The following RSU1 variants were observed in gnomAD, a reference collection of about 807,000 sequenced individuals.
The protein encoded by RSU1 is Ras suppressor protein 1, also known as rsu-1.
Under a neutral mutation model 31.1 loss-of-function variants are expected in RSU1, and 26 were observed. That is an observed-to-expected ratio of 0.84 (90% confidence interval 0.61 to 1.16). The LOEUF is 1.16. Among genes scored for constraint, RSU1 ranks in the 50% most tolerant of loss-of-function variants. The probability of loss-of-function intolerance (pLI) is 0.00; values close to 1 mark genes in which losing one functional copy is unlikely to be tolerated. For synonymous variants in RSU1, 164 were observed against 136.3 expected (o/e 1.20, Z -1.41); for missense variants, 320 against 339.1 (o/e 0.94, Z 0.44).
intron 2 of RSU1, among the ~76,000 whole-genome samples, chr10:16,806,827 C>T (rs1353253137): frequency 6.6e-6 from 1 of 152,174 alleles, no homozygotes; most frequent in Non-Finnish European, 1.5e-5. Context: ...GATCTTAGCC[C>T]ACTGGAGCCT....
intron 2 of RSU1, among the ~76,000 whole-genome samples, chr10:16,813,114 A>C (rs1442118616): frequency 6.6e-6 from 1 of 151,958 alleles, no homozygotes; most frequent in Non-Finnish European, 1.5e-5. Context: ...TGGGACTTGC[A>C]CATCACCCTC....
intron 7 of RSU1, among the ~76,000 whole-genome samples, chr10:16,718,094 ATT>A (rs1034407411): frequency 1.4e-5 from 1 of 70,830 alleles, no homozygotes; most frequent in Non-Finnish European, 2.6e-5. Context: ...AGCTCAATTT[ATT>A]TAAAAAAAAA....
chr10:16,732,859 T>G (rs909525449), intron 7 of RSU1, among the ~76,000 whole-genome samples: 5 of 152,104 alleles, frequency 3.3e-5, no homozygotes, highest in Admixed American at 1.3e-4. Context: ...TAATAAACAT[T>G]TCATAGGTTC....
intron 4 of RSU1, among the ~76,000 whole-genome samples, chr10:16,758,689 C>G (rs75513509): frequency 2.0e-5 from 3 of 152,260 alleles, no homozygotes; most frequent in African/African-American, 7.2e-5. Flanking sequence ...ATGGCTCACA[C>G]GTGGCTTCTC....
intron 8 of RSU1, among the ~76,000 whole-genome samples, chr10:16,656,678 G>A (rs1009037948): frequency 8.5e-5 from 13 of 152,182 alleles, no homozygotes; most frequent in East Asian, 1.9e-4. Flanking sequence ...GGAATTAACA[G>A]AGCTAAACTA....
chr10:16,741,876 T>C (rs1337786725), intron 7 of RSU1, among the ~76,000 whole-genome samples: 1 of 152,224 alleles, frequency 6.6e-6, no homozygotes, highest in Non-Finnish European at 1.5e-5. Flanking sequence ...GCAGCCATTT[T>C]GTAATGTTTA....
chr10:16,652,493 T>C (rs796651363), intron 8 of RSU1, among the ~76,000 whole-genome samples: 2 of 150,018 alleles, frequency 1.3e-5, no homozygotes, highest in South Asian at 2.1e-4. Context: ...GAATGTTCCA[T>C]ACCTAAACTG....
At chr10:16,712,541 T>C (rs997651851) in intron 7 of RSU1, among the ~76,000 whole-genome samples, 7 of 152,206 alleles carry the variant, frequency 4.6e-5, no homozygotes, top group African/African-American at 1.7e-4. Flanking sequence ...AAGAGTCTTG[T>C]AGTTACAATA....
intron 8 of RSU1, 149 bp downstream of exon 8, chr10:16,694,874 T>C (rs112010757): frequency 8.0e-5 from 58 of 723,418 alleles, no homozygotes; most frequent in African/African-American, 7.6e-4. Flanking sequence ...ACACCACACC[T>C]GGCCGACATG....
intron 2 of RSU1, among the ~76,000 whole-genome samples, chr10:16,789,465 C>T (rs997881974): frequency 1.3e-5 from 2 of 152,156 alleles, no homozygotes; most frequent in Admixed American, 6.5e-5. Context: ...CCACAAAGCC[C>T]GGTCAGGCAA....
chr10:16,724,513 C>T (rs1836343271), intron 7 of RSU1, among the ~76,000 whole-genome samples: 2 of 152,134 alleles, frequency 1.3e-5, no homozygotes, highest in Non-Finnish European at 2.9e-5. Context: ...TGAAATGAGC[C>T]ATTGGCTAAA....
chr10:16,751,167 C>T (rs1006021535), intron 7 of RSU1, among the ~76,000 whole-genome samples: 1 of 152,090 alleles, frequency 6.6e-6, no homozygotes, highest in Non-Finnish European at 1.5e-5. Flanking sequence ...GTGCCCGGCC[C>T]GAGATCTCTC....
At chr10:16,780,164 T>C (rs1837621678) in intron 3 of RSU1, among the ~76,000 whole-genome samples, 1 of 152,378 alleles carries the variant, frequency 6.6e-6, no homozygotes, top group African/African-American at 2.4e-5. Context: ...CTGAGATTTC[T>C]ATCTTTGTGA....
At chr10:16,811,781 G>A (rs1231594997) in intron 2 of RSU1, among the ~76,000 whole-genome samples, 1 of 152,238 alleles carries the variant, frequency 6.6e-6, no homozygotes, top group Non-Finnish European at 1.5e-5. Flanking sequence ...AGGAGACAGA[G>A]TACATGCTCC....
At chr10:16,817,220 T>C in intron 1 of RSU1, 95 bp downstream of exon 1, 1 of 598,316 alleles carries the variant, frequency 1.7e-6, no homozygotes. Flanking sequence ...CAGGGGCTGG[T>C]CCGGGTGCGG....
At chr10:16,619,419 A>G (rs559253989) in intron 8 of RSU1, among the ~76,000 whole-genome samples, 1 of 152,332 alleles carries the variant, frequency 6.6e-6, no homozygotes, top group Admixed American at 6.5e-5. Flanking sequence ...TGTGATTCAC[A>G]GTGAACCAAT....
At chr10:16,628,596 G>A (rs1341866080) in intron 8 of RSU1, among the ~76,000 whole-genome samples, 1 of 152,188 alleles carries the variant, frequency 6.6e-6, no homozygotes, top group East Asian at 1.9e-4. Flanking sequence ...AAAGGCATTT[G>A]TTAATGCATG....
At chr10:16,797,325 A>G (rs970245650) in intron 2 of RSU1, among the ~76,000 whole-genome samples, 1 of 152,216 alleles carries the variant, frequency 6.6e-6, no homozygotes, top group Non-Finnish European at 1.5e-5. Context: ...ATCCAGATAA[A>G]AGTGGGCAGA....
chr10:16,665,024 A>G (rs1834962709), intron 8 of RSU1, among the ~76,000 whole-genome samples: 1 of 152,088 alleles, frequency 6.6e-6, no homozygotes, highest in South Asian at 2.1e-4. Flanking sequence ...GTTCACTGCA[A>G]CCTCAGCCTC....
Sources: gnomAD v4.1 joint callset for allele counts (sites outside exome capture counted in the v4.1 genomes callset) on GRCh38, gnomAD v4.1.1 for gene constraint, MANE v1.5 for transcripts, NCBI Gene and HGNC (gene_info 2026-07-23, HGNC 2026-07-21) for gene names.